Variants in DGKE observed in about 807,000 individuals in gnomAD.
DGKE encodes diacylglycerol kinase epsilon.
DGKE carries 53 observed loss-of-function variants against 70.0 expected under a neutral mutation model. The ratio of observed to expected loss-of-function variants is 0.76; its 90% confidence interval spans 0.61 to 0.95. The LOEUF (loss-of-function observed/expected upper bound fraction) is 0.95. Ranked by LOEUF, DGKE falls within the 40% of genes least tolerant of loss-of-function variation. The probability of loss-of-function intolerance (pLI) is 0.00; values close to 1 mark genes in which losing one functional copy is unlikely to be tolerated. For synonymous variants in DGKE, 291 were observed against 257.0 expected (o/e 1.13, Z -1.27); for missense variants, 655 against 706.9 (o/e 0.93, Z 0.83).
At chr17:56,847,647 C>T (rs1371731879) in intron 4 of DGKE, 1 of 173,084 alleles carries the variant, frequency 5.8e-6, no homozygotes, top group Non-Finnish European at 1.2e-5. Flanking sequence ...TATTTCAGCA[C>T]TTAATTACCT....
At chr17:56,845,550 C>A (rs1907228742) in intron 3 of DGKE, 140 bp from the exon 4 acceptor site, 2 of 862,180 alleles carry the variant, frequency 2.3e-6, no homozygotes, top group Non-Finnish European at 3.3e-6. Context: ...TCTTAGAATT[C>A]TTTGATTTTT....
chr17:56,869,325 A>T lies in DGKE; in HGVS notation c.*6534A>T, dbSNP rs944121333. 1 of 152,256 alleles carries T rather than the reference A, an allele frequency of 6.6e-6. No individual in the cohort carries two copies. The highest frequency in any genetic ancestry group is 2.1e-4 in the South Asian group (1 of 4,832). The allele number at this position is 152,256 out of a possible 1,614,324, so 9.4% of individuals were successfully genotyped here. ...ACCATAAGGTTATATGATAATTATT[A>T]GGGCAGGAGAGTGAATGCATCTTAA... On this transcript the variant is annotated 3_prime_UTR_variant, in exon 12 of 12. Transcript: ENST00000284061.
intron 11 of DGKE, 96 bp downstream of exon 11, chr17:56,862,347 T>C (rs890902182): frequency 8.2e-7 from 1 of 1,226,850 alleles, no homozygotes; most frequent in Admixed American, 2.0e-5. Context: ...CTTTAAACAG[T>C]GGTTTATGGC....
chr17:56,845,826 A>G lies in DGKE; in HGVS notation c.744+17A>G, dbSNP rs375002513. ...CCAGTCCAGGTAACTAAAGAAAAAA[A>G]CTTTTTATATTAATGTTTTCATTTT... is the stretch of plus-strand genomic sequence containing the variant. On this transcript the variant is annotated intron_variant, in intron 4 of 11. Coordinates refer to ENST00000284061, the MANE Select transcript of DGKE (RefSeq NM_003647.3). 1.9e-6 allele frequency: 3 copies of G among 1,567,058 alleles called. No homozygotes were observed. The highest frequency in any genetic ancestry group is 2.0e-5 in the Admixed American group (1 of 49,148).
Position 56,867,208 on chromosome 17 carries a change from T to G in DGKE, c.*4417T>G, listed in dbSNP as rs942095307. On this transcript the variant is annotated 3_prime_UTR_variant, in exon 12 of 12. Coordinates refer to ENST00000284061, the MANE Select transcript of DGKE (RefSeq NM_003647.3). ...GGGAAAGAATTTTAAAATGCCATCC[T>G]CTAATACAGACGTTTATAAAACTTA... The G allele has an allele frequency of 1.3e-5, 2 of 152,220 alleles. No individual in the cohort carries two copies. Among genetic ancestry groups the G allele is most frequent in the African/African-American group, 4.8e-5 (2 of 41,444 alleles). The allele number at this position is 152,220 out of a possible 1,614,324, so 9.4% of individuals were successfully genotyped here.
intron 2 of DGKE, chr17:56,835,484 T>C: frequency 1.8e-6 from 1 of 559,904 alleles, no homozygotes; most frequent in Non-Finnish European, 3.1e-6. Context: ...GCCTGCCCTT[T>C]TGGGTAATAA....
intron 11 of DGKE, 92 bp from the exon 12 acceptor site, chr17:56,862,520 A>C: frequency 8.7e-7 from 1 of 1,149,726 alleles, no homozygotes; most frequent in Non-Finnish European, 1.2e-6. Flanking sequence ...GAAATGCATA[A>C]GGGTTAAGGG....
intron 7 of DGKE, among the ~76,000 whole-genome samples, chr17:56,849,979 A>G (rs2144247270): frequency 6.6e-6 from 1 of 152,304 alleles, no homozygotes; most frequent in Middle Eastern, 3.4e-3. Context: ...CAGGGGGAGT[A>G]GCCCAAGTTG....
rs1247864572 is a variant in DGKE, at chr17:56,862,751, C to G, written c.1664C>G (p.Ser555Cys). The G allele has an allele frequency of 2.5e-6, 4 of 1,595,570 alleles. No individual in the cohort carries two copies. Among genetic ancestry groups the G allele is most frequent in the African/African-American group, 1.4e-5 (1 of 73,750 alleles). The change falls in exon 12 of 12, where the codon TCT (serine) becomes TGT (cysteine). Residue 555 changes from serine to cysteine, a missense_variant. Physicochemically the swap from Ser to Cys is moderately radical, Grantham distance 112. Transcript: ENST00000284061. The part of the protein sequence containing the change: ...FSGEQTDDDI[S>C]STSDQEDIKA... ...GGAGAACAAACAGATGATGACATCT[C>G]TAGTACTTCGGATCAAGAAGATATA...
intron 8 of DGKE, among the ~76,000 whole-genome samples, chr17:56,857,285 A>G (rs1908006780): frequency 6.6e-6 from 1 of 152,220 alleles, no homozygotes; most frequent in Admixed American, 6.5e-5. Context: ...TGGTGAAGTC[A>G]TTAATGGAAA....
intron 2 of DGKE, 120 bp downstream of exon 2, chr17:56,835,379 A>G (rs1021920540): frequency 1.9e-6 from 2 of 1,026,438 alleles, no homozygotes; most frequent in East Asian, 5.2e-5. Context: ...TGAGGAAACA[A>G]GCTAATAAAT....
intron 9 of DGKE, among the ~76,000 whole-genome samples, chr17:56,860,558 A>G (rs1010508689): frequency 3.9e-5 from 6 of 152,244 alleles, no homozygotes; most frequent in African/African-American, 7.2e-5. Context: ...TATTTAAATC[A>G]CATTGCAATG....
chr17:56,840,020 C>T (rs372317470), intron 2 of DGKE, among the ~76,000 whole-genome samples: 2 of 151,990 alleles, frequency 1.3e-5, no homozygotes, highest in African/African-American at 4.8e-5. Context: ...CAAAATTAGC[C>T]GAGTGTGGTG....
In DGKE at chr17:56,835,125, G is replaced by T; in HGVS notation, c.330G>T (p.Glu110Asp). The T allele has an allele frequency of 6.2e-7, 1 of 1,614,016 alleles. No homozygotes were observed. The highest frequency in any genetic ancestry group is 1.1e-5 in the South Asian group (1 of 91,088). ...RKADKRFQCK[E>D]IMLKNDTKVL... is the part of the protein sequence containing the mutation. The stretch of plus-strand genomic sequence containing the variant: ...CCGACAAGCGCTTCCAGTGCAAGGA[G>T]ATTATGCTCAAGAATGACACCAAGG... The change falls in exon 2 of 12, where the codon GAG becomes GAT. Residue 110 changes from glutamate (E) to aspartate (D), a missense_variant. Physicochemically the swap from Glu to Asp is conservative, Grantham distance 45. Coordinates refer to ENST00000284061, the MANE Select transcript of DGKE (RefSeq NM_003647.3).
intron 8 of DGKE, among the ~76,000 whole-genome samples, chr17:56,857,664 A>AT (rs1908029425): frequency 6.6e-6 from 1 of 152,206 alleles, no homozygotes; most frequent in Non-Finnish European, 1.5e-5. Flanking sequence ...ATTAATACGC[A>AT]TTACTATTCC....
chr17:56,853,970 C>A (rs1907795551), intron 7 of DGKE, among the ~76,000 whole-genome samples: 1 of 147,762 alleles, frequency 6.8e-6, no homozygotes. Context: ...CAATGGAAAA[C>A]TATTCAGACT....
intron 7 of DGKE, among the ~76,000 whole-genome samples, chr17:56,851,184 A>G (rs991428329): frequency 2.0e-5 from 3 of 152,174 alleles, no homozygotes; most frequent in Non-Finnish European, 4.4e-5. Flanking sequence ...TCACTCAGAG[A>G]GCAGTAGTAT....
In DGKE at chr17:56,865,543, C is replaced by G. The variant is rs978207463; in HGVS notation, c.*2752C>G. On this transcript the variant is annotated 3_prime_UTR_variant, in exon 12 of 12. Transcript: ENST00000284061. Reference sequence around the variant, plus strand: ...TACAAGTTGTCTGCTAGTAAAGTTACATGATTTAGGTGTGTTTTAGGTTTT... The same window carrying G: ...TACAAGTTGTCTGCTAGTAAAGTTAGATGATTTAGGTGTGTTTTAGGTTTT... The G allele has an allele frequency of 6.6e-6, 1 of 152,150 alleles. No individual in the cohort carries two copies. Among genetic ancestry groups the G allele is most frequent in the African/African-American group, 2.4e-5 (1 of 41,440 alleles). 9.4% of individuals were successfully genotyped at this position (152,150 alleles called of 1,614,324 possible).
intron 2 of DGKE, among the ~76,000 whole-genome samples, chr17:56,843,287 G>T (rs1907094509): frequency 6.6e-6 from 1 of 152,070 alleles, no homozygotes; most frequent in Non-Finnish European, 1.5e-5. Context: ...ATTTAGTGAG[G>T]AGAGTTACAT....
Sources: allele counts gnomAD v4.1 joint callset (sites outside exome capture counted in the v4.1 genomes callset), GRCh38; gene constraint gnomAD v4.1.1; transcripts MANE v1.5; gene names NCBI Gene and HGNC (gene_info 2026-07-23, HGNC 2026-07-21).